The following ARMC2 variants were observed in gnomAD, a reference collection of about 807,000 sequenced individuals.
ARMC2 encodes armadillo repeat-containing protein 2.
ARMC2 carries 67 observed loss-of-function variants against 90.3 expected under a neutral mutation model. That is an observed-to-expected ratio of 0.74 (90% CI 0.61 to 0.91). The LOEUF (loss-of-function observed/expected upper bound fraction) is 0.91. Among genes scored for constraint, ARMC2 ranks in the 40% least tolerant of loss-of-function variants. The pLI, the probability that ARMC2 is intolerant of heterozygous loss-of-function variation, is 0.00. For synonymous variants in ARMC2, 393 were observed against 393.0 expected, an observed-to-expected ratio of 1.00 and a Z score of 0.00; for missense variants, 920 against 1,030.9, an observed-to-expected ratio of 0.89 and a Z score of 1.47.
chr6:108,851,842 G>T lies in ARMC2; in HGVS notation c.-43-2383G>T, dbSNP rs186220989. ...TTGTTGTGGGGTTAATTGAGATAAT[G>T]CAGTCAAGAGTACTTAGCACAGTGC... On this transcript the variant is annotated intron_variant, in intron 1 of 17. Transcript: ENST00000392644. Among the ~76,000 whole-genome samples the T allele has an allele frequency of 4.3e-4, 66 of 152,270 alleles. 1 individual carries two copies. The East Asian group carries it at 0.011, about 25-fold the overall frequency.
the ARMC2 span, chr6:109,001,300 G>A: frequency 6.2e-7 from 1 of 1,613,460 alleles, no homozygotes; most frequent in Non-Finnish European, 8.5e-7. Context: ...TTATTCCAAT[G>A]TAGTGACGAT....
At chr6:108,877,166 G>T (rs990538420) in intron 5 of ARMC2, among the ~76,000 whole-genome samples, 1 of 152,120 alleles carries the variant, frequency 6.6e-6, no homozygotes, top group African/African-American at 2.4e-5. Flanking sequence ...CTTTCCATTG[G>T]GTCATCATGG....
chr6:108,882,457 A>G (rs1777695576), intron 5 of ARMC2, among the ~76,000 whole-genome samples: 1 of 151,974 alleles, frequency 6.6e-6, no homozygotes, highest in Non-Finnish European at 1.5e-5. Context: ...AAAAAAAGGA[A>G]AAAAGCACTG....
At chr6:109,014,151 A>C in the ARMC2 span, among the ~76,000 whole-genome samples, 1 of 152,160 alleles carries the variant, frequency 6.6e-6, no homozygotes, top group African/African-American at 2.4e-5. Context: ...AGCTGTTTAG[A>C]AATATGAGGC....
chr6:109,052,066 A>G, the ARMC2 span, among the ~76,000 whole-genome samples: 3 of 152,224 alleles, frequency 2.0e-5, no homozygotes, highest in African/African-American at 7.2e-5. Context: ...GGTTTTTGCC[A>G]TTACTTTTAA....
At chr6:109,006,482 T>A in the ARMC2 span, among the ~76,000 whole-genome samples, 1 of 130,936 alleles carries the variant, frequency 7.6e-6, no homozygotes, top group East Asian at 2.6e-4. Context: ...CGGTGTGTGA[T>A]GTTCCCCACC....
chr6:108,957,576 T>C (rs1159707978), intron 13 of ARMC2, among the ~76,000 whole-genome samples: 2 of 152,208 alleles, frequency 1.3e-5, no homozygotes, highest in African/African-American at 4.8e-5. Context: ...ATGGCTCCTG[T>C]GGCATGGCCC....
At chr6:108,926,596 G>A (rs60532131) in intron 10 of ARMC2, among the ~76,000 whole-genome samples, 2,533 of 152,116 alleles carry the variant, frequency 0.017, 80 homozygotes, top group African/African-American at 0.059. Context: ...ATGGTGGCAC[G>A]CACCTGTAAT....
At chr6:108,910,609 C>T (rs991838844) in intron 8 of ARMC2, among the ~76,000 whole-genome samples, 3 of 152,142 alleles carry the variant, frequency 2.0e-5, no homozygotes, top group South Asian at 4.1e-4. Context: ...ATCAGTGTAT[C>T]GAAGATATAT....
intron 8 of ARMC2, chr6:108,907,702 C>T (rs935952865): frequency 8.1e-6 from 13 of 1,608,920 alleles, no homozygotes; most frequent in Admixed American, 5.0e-5. Flanking sequence ...TGGTAACCCC[C>T]GAGATGCTCC....
intron 15 of ARMC2, among the ~76,000 whole-genome samples, chr6:108,963,370 A>G (rs1778135981): frequency 6.6e-6 from 1 of 152,218 alleles, no homozygotes; most frequent in African/African-American, 2.4e-5. Context: ...ACCATGCCCC[A>G]TCCTCTCACT....
At chr6:109,000,371 A>G in the ARMC2 span, 1 of 660,120 alleles carries the variant, frequency 1.5e-6, no homozygotes, top group East Asian at 2.9e-5. Context: ...ATCTGTGGGA[A>G]GAGATTCAGG....
chr6:108,908,448 A>G (rs1246876771), intron 8 of ARMC2, among the ~76,000 whole-genome samples: 1 of 152,234 alleles, frequency 6.6e-6, no homozygotes, highest in African/African-American at 2.4e-5. Context: ...CACAGAACAA[A>G]TACTTAACAA....
chr6:109,034,637 G>A, the ARMC2 span, among the ~76,000 whole-genome samples: 2 of 152,222 alleles, frequency 1.3e-5, no homozygotes, highest in East Asian at 1.9e-4. Context: ...AGCTGGGTGT[G>A]ACCAAGTTAC....
rs1290706057 is a variant in ARMC2 at position 108,973,716 on chromosome 6, T to A, written c.*202T>A. Reference sequence around the variant, plus strand: ...TGGAAAAATGAATATACACATTATATTTCCTGTTGAGAGAAATGTAAGATG... The same window carrying A: ...TGGAAAAATGAATATACACATTATAATTCCTGTTGAGAGAAATGTAAGATG... On this transcript the variant is annotated 3_prime_UTR_variant, in exon 18 of 18. Transcript: ENST00000392644. The A allele has an allele frequency of 1.4e-5, 6 of 428,584 alleles. No individual in the cohort carries two copies. Among genetic ancestry groups the A allele is most frequent in the Non-Finnish European group, 2.4e-5 (6 of 246,104 alleles). The allele number at this position is 428,584 out of a possible 1,614,324, so 26.5% of individuals were successfully genotyped here. A position where few individuals can be genotyped will look rare whatever the true frequency, so the allele number is the denominator to read the frequency against.
chr6:108,943,138 AT>A (rs1208444044), intron 12 of ARMC2, among the ~76,000 whole-genome samples: 1 of 152,192 alleles, frequency 6.6e-6, no homozygotes, highest in Non-Finnish European at 1.5e-5. Flanking sequence ...ATTAAAGGGG[AT>A]AAAAATTAGA....
the ARMC2 span, among the ~76,000 whole-genome samples, chr6:109,002,022 T>C: frequency 6.6e-6 from 1 of 151,512 alleles, no homozygotes. Context: ...GCAGATGTTG[T>C]ATCACTGGTC....
intron 17 of ARMC2, among the ~76,000 whole-genome samples, chr6:108,971,448 T>A (rs1479635616): frequency 1.3e-5 from 2 of 152,090 alleles, no homozygotes; most frequent in African/African-American, 4.8e-5. Context: ...GACCACTTGG[T>A]TGTGATGAGA....
At chr6:109,025,974 A>G in the ARMC2 span, among the ~76,000 whole-genome samples, 2 of 152,138 alleles carry the variant, frequency 1.3e-5, no homozygotes, top group South Asian at 4.2e-4. Flanking sequence ...AGGAAGCACA[A>G]TGAATCTCAT....
Sources: allele counts gnomAD v4.1 joint callset (sites outside exome capture counted in the v4.1 genomes callset), GRCh38; gene constraint gnomAD v4.1.1; transcripts MANE v1.5; gene names NCBI Gene and HGNC (gene_info 2026-07-23, HGNC 2026-07-21).